Variants in ITGA9 observed in about 807,000 individuals in gnomAD.
ITGA9 encodes the protein integrin alpha-9.
Under a neutral mutation model 127.8 loss-of-function variants are expected in ITGA9, and 56 were observed. That is an observed-to-expected ratio of 0.44 (90% CI 0.35 to 0.55). The LOEUF is 0.55. Ranked by LOEUF, ITGA9 falls within the 20% of genes least tolerant of loss-of-function variation. The pLI is 0.00. For synonymous variants in ITGA9, 508 were observed against 514.5 expected (o/e 0.99, Z 0.17); for missense variants, 1,196 against 1,347.1 (o/e 0.89, Z 1.76).
At position 37,682,886 on chromosome 3, in the gene ITGA9, C is replaced by T. The variant is rs72857295; in HGVS notation, c.1917-979C>T. Among the ~76,000 whole-genome samples, 1,175 of 152,274 alleles carry T rather than the reference C, an allele frequency of 7.7e-3. 17 individuals are homozygous for T. Among genetic ancestry groups the T allele is most frequent in the African/African-American group, 0.026 (1,092 of 41,534 alleles). ...TCAGCTGCCATCACCCTGGCCTTCA[C>T]GTTCATCTTCTCACACCTGGATTGT... On this transcript the variant is annotated intron_variant, in intron 17 of 27. Transcript: ENST00000264741.
intron 4 of ITGA9, among the ~76,000 whole-genome samples, chr3:37,491,632 A>T (rs1199624466): frequency 6.6e-6 from 1 of 152,012 alleles, no homozygotes; most frequent in Admixed American, 6.6e-5. Context: ...CTTGTTGGGG[A>T]TGTTGTTTGT....
In ITGA9 at chr3:37,784,985, G is replaced by A. The variant is rs374507441; in HGVS notation, c.2796G>A (p.Ser932=). 1.7e-5 allele frequency: 28 copies of A among 1,613,444 alleles called. No homozygotes were observed. The highest frequency in any genetic ancestry group is 2.0e-5 in the Non-Finnish European group (24 of 1,179,512). ...LNTEILKKDS[S]SVIQFMSRAK... ...TGTTGTTTCTTCCACAGGACAGTTC[G>A]TCTGTCATCCAGTTCATGTCCCGCG... Residue 932 remains serine, a synonymous_variant, in exon 26 of 28, where the codon TCG becomes TCA. Coordinates refer to ENST00000264741, the MANE Select transcript of ITGA9 (RefSeq NM_002207.3).
At position 37,615,835 on chromosome 3, in the gene ITGA9, T is replaced by C. The variant is rs1428382823; in HGVS notation, c.1690-13352T>C. On this transcript the variant is annotated intron_variant, in intron 15 of 27. Transcript: ENST00000264741. ...ATATCCCCTTTATCATTTTTTATTG[T>C]GTCTATTTGATTCTTCTCTCTTTTC... is the stretch of plus-strand genomic sequence containing the variant. 5.3e-5 allele frequency among the ~76,000 whole-genome samples: 8 copies of C among 152,290 alleles called. No homozygotes were observed. In the East Asian group the frequency reaches 1.4e-3, roughly 26 times the overall value.
At position 37,484,362 on chromosome 3, in the gene ITGA9, G is replaced by A. The variant is rs146952086; in HGVS notation, c.544+2755G>A. Among the ~76,000 whole-genome samples the A allele has an allele frequency of 1.4e-4, 22 of 152,234 alleles. No homozygotes were observed. The East Asian group carries it at 4.0e-3, about 28-fold the overall frequency. On this transcript the variant is annotated intron_variant, in intron 4 of 27. Transcript: ENST00000264741. ...GGACGGGTGGGGCTGGGAGGATGCCGGCCGTAGTGAGAGGGCTCTTGTCTG... is the reference window on the plus strand; with the variant it reads ...GGACGGGTGGGGCTGGGAGGATGCCAGCCGTAGTGAGAGGGCTCTTGTCTG...
intron 13 of ITGA9, among the ~76,000 whole-genome samples, chr3:37,528,832 G>T (rs1699120827): frequency 6.6e-6 from 1 of 152,182 alleles, no homozygotes; most frequent in Non-Finnish European, 1.5e-5. Context: ...TTTGACCACT[G>T]CATACGCTGT....
chr3:37,713,019 G>A (rs1279396061), intron 18 of ITGA9, among the ~76,000 whole-genome samples: 1 of 152,226 alleles, frequency 6.6e-6, no homozygotes, highest in Non-Finnish European at 1.5e-5. Flanking sequence ...CCCCACTAGT[G>A]TTGATGAAGG....
chr3:37,810,442 G>C (rs1697353210), intron 27 of ITGA9, among the ~76,000 whole-genome samples: 1 of 149,988 alleles, frequency 6.7e-6, no homozygotes, highest in Non-Finnish European at 1.5e-5. Flanking sequence ...TTTTGACAGA[G>C]TCTCACTCTG....
chr3:37,625,612 T>A (rs962107256), intron 15 of ITGA9, among the ~76,000 whole-genome samples: 9 of 152,342 alleles, frequency 5.9e-5, no homozygotes, highest in African/African-American at 1.9e-4. Context: ...TAGCGTTATT[T>A]TTTTTAAGCA....
At chr3:37,774,436 T>C (rs1696881644) in intron 23 of ITGA9, among the ~76,000 whole-genome samples, 1 of 151,676 alleles carries the variant, frequency 6.6e-6, no homozygotes. Flanking sequence ...GGCTCATGCC[T>C]ATAATCCCAG....
rs753161220 is a variant in ITGA9, at chr3:37,503,204, G to T, written c.639G>T (p.Gly213=). ...AGCTGGTGGTGATGGGTGCTCCAGG[G>T]TCATTTTATTGGGCTGGAACCATCA... is the stretch of plus-strand genomic sequence containing the variant. ...TEELVVMGAP[G]SFYWAGTIKV... is the part of the protein sequence containing the mutation. The change falls in exon 6 of 28, where the codon GGG becomes GGT. Residue 213 remains glycine, a synonymous_variant. Coordinates refer to ENST00000264741, the MANE Select transcript of ITGA9 (RefSeq NM_002207.3). 2 of 1,614,002 alleles carry T rather than the reference G, an allele frequency of 1.2e-6. No homozygotes were observed. The highest frequency in any genetic ancestry group is 2.2e-5 in the South Asian group (2 of 91,064).
intron 2 of ITGA9, among the ~76,000 whole-genome samples, chr3:37,471,857 C>A (rs916841926): frequency 6.6e-6 from 1 of 152,120 alleles, no homozygotes; most frequent in Non-Finnish European, 1.5e-5. Flanking sequence ...AGTTCAAGAC[C>A]AGCCTGTGCA....
At chr3:37,610,117 C>T (rs1031751756) in intron 15 of ITGA9, among the ~76,000 whole-genome samples, 4 of 152,010 alleles carry the variant, frequency 2.6e-5, no homozygotes, top group Non-Finnish European at 5.9e-5. Flanking sequence ...AGGTCCAAGG[C>T]AAGATGGATA....
chr3:37,561,245 T>A (rs565223060), intron 15 of ITGA9, among the ~76,000 whole-genome samples: 1 of 152,334 alleles, frequency 6.6e-6, no homozygotes, highest in Non-Finnish European at 1.5e-5. Flanking sequence ...AAAATGTTAA[T>A]GAAATATTTG....
intron 1 of ITGA9, among the ~76,000 whole-genome samples, chr3:37,468,368 C>A (rs1698393933): frequency 6.6e-6 from 1 of 152,080 alleles, no homozygotes; most frequent in Admixed American, 6.5e-5. Flanking sequence ...TCCAATTCTT[C>A]AGGTTCTAGG....
chr3:37,509,016 T>C (rs1698874261), intron 8 of ITGA9, among the ~76,000 whole-genome samples: 1 of 152,238 alleles, frequency 6.6e-6, no homozygotes, highest in African/African-American at 2.4e-5. Flanking sequence ...TGCTTCTCAC[T>C]GAGCCTGTTT....
chr3:37,763,975 C>G (rs891857740), intron 23 of ITGA9, among the ~76,000 whole-genome samples: 3 of 152,096 alleles, frequency 2.0e-5, no homozygotes, highest in Admixed American at 6.5e-5. Flanking sequence ...TGATCCAACC[C>G]TCTACCTTTG....
intron 23 of ITGA9, among the ~76,000 whole-genome samples, chr3:37,766,156 A>T (rs1696777900): frequency 6.6e-6 from 1 of 152,270 alleles, no homozygotes; most frequent in Non-Finnish European, 1.5e-5. Flanking sequence ...CATGGTTCTC[A>T]TTTAACCTGC....
At chr3:37,488,140 G>T (rs996839210) in intron 4 of ITGA9, among the ~76,000 whole-genome samples, 1 of 152,096 alleles carries the variant, frequency 6.6e-6, no homozygotes, top group African/African-American at 2.4e-5. Flanking sequence ...TAGATCAGAG[G>T]TTTCCGTGTT....
chr3:37,670,524 T>C (rs1471940038), intron 17 of ITGA9, among the ~76,000 whole-genome samples: 2 of 152,232 alleles, frequency 1.3e-5, no homozygotes, highest in African/African-American at 2.4e-5. Context: ...TATTCAATTA[T>C]GAATGTAGGA....
Sources: gnomAD v4.1 joint callset for allele counts (sites outside exome capture counted in the v4.1 genomes callset) on GRCh38, gnomAD v4.1.1 for gene constraint, MANE v1.5 for transcripts, NCBI Gene and HGNC (gene_info 2026-07-23, HGNC 2026-07-21) for gene names.